The following CAMK1D variants were observed in gnomAD, a reference collection of about 807,000 sequenced individuals.
CAMK1D encodes calcium/calmodulin-dependent protein kinase type 1D.
In CAMK1D, 9 loss-of-function variants were observed where a neutral mutation model predicts 47.7. The observed-to-expected ratio is 0.19, with a 90% CI of 0.11 to 0.33. The LOEUF (loss-of-function observed/expected upper bound fraction) is 0.33. CAMK1D is among the 10% of genes least tolerant of loss of function. The probability of loss-of-function intolerance (pLI) is 1.00; values close to 1 mark genes in which losing one functional copy is unlikely to be tolerated. For missense variants in CAMK1D, 291 were observed against 488.7 expected (o/e 0.60, Z 3.81); for synonymous variants, 184 against 184.9 (o/e 0.99, Z 0.04).
intron 2 of CAMK1D, among the ~76,000 whole-genome samples, chr10:12,600,781 C>T (rs1479358392): frequency 6.6e-6 from 1 of 152,220 alleles, no homozygotes; most frequent in Non-Finnish European, 1.5e-5. Context: ...CCCTCCCATT[C>T]TTCTACCCTT....
At chr10:12,532,913 T>G (rs953937053) in intron 1 of CAMK1D, among the ~76,000 whole-genome samples, 1 of 121,224 alleles carries the variant, frequency 8.2e-6, no homozygotes, top group Non-Finnish European at 1.6e-5. Context: ...CTCACGGAGA[T>G]AGAGAGTAGA....
intron 1 of CAMK1D, among the ~76,000 whole-genome samples, chr10:12,435,850 C>CA (rs1482517394): frequency 1.7e-4 from 26 of 152,130 alleles, no homozygotes; most frequent in Non-Finnish European, 3.7e-4. Flanking sequence ...TCCTGGGCAC[C>CA]ATAAGTCAGT....
At chr10:12,507,697 C>T (rs552043444) in intron 1 of CAMK1D, among the ~76,000 whole-genome samples, 6 of 152,270 alleles carry the variant, frequency 3.9e-5, no homozygotes, top group Non-Finnish European at 7.4e-5. Flanking sequence ...TCTTGAAAAC[C>T]ACCAGCCCGG....
At chr10:12,387,389 AT>A (rs1219586367) in intron 1 of CAMK1D, among the ~76,000 whole-genome samples, 2 of 31,688 alleles carry the variant, frequency 6.3e-5, no homozygotes, top group South Asian at 2.2e-3. Flanking sequence ...TATTATATAT[AT>A]TATATATTTT....
chr10:12,749,097 C>T (rs1326219194), intron 3 of CAMK1D, among the ~76,000 whole-genome samples: 1 of 152,166 alleles, frequency 6.6e-6, no homozygotes, highest in Non-Finnish European at 1.5e-5. Flanking sequence ...TGCTCCACAC[C>T]TTGACTGATA....
chr10:12,419,727 CTG>C (rs1839985266), intron 1 of CAMK1D, among the ~76,000 whole-genome samples: 1 of 151,736 alleles, frequency 6.6e-6, no homozygotes, highest in African/African-American at 2.4e-5. Flanking sequence ...ATTAGAAAAA[CTG>C]TTTTTTCAGC....
At chr10:12,563,690 A>AGAGAGAGAGG (rs796928580) in intron 2 of CAMK1D, among the ~76,000 whole-genome samples, 1 of 72,136 alleles carries the variant, frequency 1.4e-5, no homozygotes, top group African/African-American at 3.7e-5. Flanking sequence ...AGAGAGAGAG[A>AGAGAGAGAGG]GAGAGAGAGG....
intron 1 of CAMK1D, among the ~76,000 whole-genome samples, chr10:12,420,093 G>A (rs980454502): frequency 6.6e-6 from 1 of 152,050 alleles, no homozygotes; most frequent in African/African-American, 2.4e-5. Context: ...CCGAGTAGCT[G>A]GGACTACAGG....
chr10:12,461,300 G>A (rs1564353740), intron 1 of CAMK1D, among the ~76,000 whole-genome samples: 1 of 152,206 alleles, frequency 6.6e-6, no homozygotes. Flanking sequence ...CAGGAAATAA[G>A]AATAGGGTAG....
chr10:12,411,479 T>G (rs116444883), intron 1 of CAMK1D, among the ~76,000 whole-genome samples: 1,899 of 152,148 alleles, frequency 0.012, 38 homozygotes, highest in African/African-American at 0.043. Context: ...GTGAGTGCCT[T>G]AATGAGATGC....
At chr10:12,801,352 T>TC (rs1838451968) in intron 6 of CAMK1D, among the ~76,000 whole-genome samples, 1 of 98,326 alleles carries the variant, frequency 1.0e-5, no homozygotes, top group Non-Finnish European at 1.9e-5. Context: ...TATCTATCTA[T>TC]CTTATCTATC....
In CAMK1D at chr10:12,777,648, A is replaced by G. The variant is rs560036777; in HGVS notation, c.565+7849A>G. Among the ~76,000 whole-genome samples the G allele has an allele frequency of 1.1e-4, 16 of 152,308 alleles. 1 individual carries two copies. Among genetic ancestry groups the G allele is most frequent in the Admixed American group, 9.8e-4 (15 of 15,302 alleles). ...CTCGGCCTCCCAGAGTGCTGGGATT[A>G]CAGGCGTGAGCCACCATTCCTGGCC... is the stretch of plus-strand genomic sequence containing the variant. On this transcript the variant is annotated intron_variant, in intron 5 of 10. Transcript: ENST00000619168.
rs75327430 is a variant in CAMK1D at position 12,750,379 on chromosome 10, A to G, written c.300-10569A>G. ...TCTGGCATGATTTTTGAAATGGATG[A>G]TTATTAAAATGCGCTGAAGGGTTCT... On this transcript the variant is annotated intron_variant, in intron 3 of 10. Coordinates refer to ENST00000619168, the MANE Select transcript of CAMK1D (RefSeq NM_153498.4). Among the ~76,000 whole-genome samples the G allele has an allele frequency of 7.2e-3, 1,098 of 152,296 alleles. 14 individuals carry two copies. Among genetic ancestry groups the G allele is most frequent in the African/African-American group, 0.025 (1,034 of 41,554 alleles).
intron 3 of CAMK1D, among the ~76,000 whole-genome samples, chr10:12,670,490 T>C (rs974390933): frequency 1.3e-5 from 2 of 152,124 alleles, no homozygotes; most frequent in Non-Finnish European, 2.9e-5. Flanking sequence ...TGGCACCTTT[T>C]AAAAAAATTC....
In CAMK1D at chr10:12,811,890, G is replaced by A. The variant is rs116151286; in HGVS notation, c.642-2305G>A. Among the ~76,000 whole-genome samples, 1,150 of 152,344 alleles carry A rather than the reference G, an allele frequency of 7.5e-3. 23 individuals carry two copies. The highest frequency in any genetic ancestry group is 0.026 in the African/African-American group (1,075 of 41,566). Reference sequence around the variant, plus strand: ...CCCATCTTGGGGCTCCGGGATTTCCGTGGGCAGTGAACTATGTGCCTGGTG... The same window carrying A: ...CCCATCTTGGGGCTCCGGGATTTCCATGGGCAGTGAACTATGTGCCTGGTG... On this transcript the variant is annotated intron_variant, in intron 6 of 10. Coordinates refer to ENST00000619168, the MANE Select transcript of CAMK1D (RefSeq NM_153498.4).
At chr10:12,806,009 G>T (rs768912832) in intron 6 of CAMK1D, among the ~76,000 whole-genome samples, 2 of 152,198 alleles carry the variant, frequency 1.3e-5, no homozygotes, top group African/African-American at 4.8e-5. Flanking sequence ...TGCCCTGGCC[G>T]GGTGGGATCA....
intron 2 of CAMK1D, among the ~76,000 whole-genome samples, chr10:12,580,409 C>G (rs996283765): frequency 1.3e-5 from 2 of 149,598 alleles, no homozygotes; most frequent in African/African-American, 5.0e-5. Flanking sequence ...CCCCTTGTCT[C>G]CCGGGTGACA....
In CAMK1D at chr10:12,662,651, C is replaced by CAAAAAAAAAAAAAAAAAAAAA. The variant is rs56807588; in HGVS notation, c.225-4072_225-4071insAAAAAAAAAAAAAAAAAAAAA. 7.4e-3 allele frequency among the ~76,000 whole-genome samples: 1,038 copies of CAAAAAAAAAAAAAAAAAAAAA among 140,234 alleles called. 20 individuals are homozygous for CAAAAAAAAAAAAAAAAAAAAA. Among genetic ancestry groups the CAAAAAAAAAAAAAAAAAAAAA allele is most frequent in the Non-Finnish European group, 0.011 (689 of 64,100 alleles). 92.0% of individuals were successfully genotyped at this position (140,234 alleles called of 152,430 possible). A position where few individuals can be genotyped will look rare whatever the true frequency, so the allele number is the denominator to read the frequency against. On this transcript the variant is annotated intron_variant, in intron 2 of 10. Transcript: ENST00000619168. ...TCGGAGACAGAGCAACACTCTGCCT[C>CAAAAAAAAAAAAAAAAAAAAA]AAAAAAAAAAAAAGGAGATTGTGTT...
chr10:12,565,952 C>T (rs1837111242), intron 2 of CAMK1D, among the ~76,000 whole-genome samples: 2 of 152,046 alleles, frequency 1.3e-5, no homozygotes, highest in Non-Finnish European at 2.9e-5. Flanking sequence ...GTAACTGTGG[C>T]TTCTCAGCTA....
Sources: allele counts gnomAD v4.1 joint callset (sites outside exome capture counted in the v4.1 genomes callset), GRCh38; gene constraint gnomAD v4.1.1; transcripts MANE v1.5; gene names NCBI Gene and HGNC (gene_info 2026-07-23, HGNC 2026-07-21).